Variants in PTPN5 observed in about 807,000 individuals in gnomAD.
PTPN5 encodes the protein protein tyrosine phosphatase non-receptor type 5, also known as tyrosine-protein phosphatase non-receptor type 5.
In PTPN5, 29 loss-of-function variants were observed where a neutral mutation model predicts 73.9. That is an observed-to-expected ratio of 0.39 (90% CI 0.29 to 0.54). The LOEUF is 0.54. Among genes scored for constraint, PTPN5 ranks in the 20% least tolerant of loss-of-function variants. PTPN5 has a pLI of 0.65. For missense variants in PTPN5, 652 were observed against 751.4 expected (o/e 0.87, Z 1.55); for synonymous variants, 267 against 304.7 (o/e 0.88, Z 1.29).
chr11:18,756,544 G>A (rs569391152), intron 3 of PTPN5, among the ~76,000 whole-genome samples: 6 of 151,806 alleles, frequency 4.0e-5, no homozygotes, highest in East Asian at 2.0e-4. Flanking sequence ...TGACCCACCC[G>A]TCTCAGCCTC....
chr11:18,778,343 C>G (rs1851267005), intron 1 of PTPN5, among the ~76,000 whole-genome samples: 1 of 152,216 alleles, frequency 6.6e-6, no homozygotes, highest in South Asian at 2.1e-4. Context: ...GACCCAACCC[C>G]AGCAACTGGC....
At chr11:18,761,607 G>T (rs1030836625) in intron 3 of PTPN5, among the ~76,000 whole-genome samples, 1 of 152,118 alleles carries the variant, frequency 6.6e-6, no homozygotes, top group African/African-American at 2.4e-5. Flanking sequence ...AGGCAGTGGG[G>T]TAGACACTCA....
chr11:18,729,595 G>C lies in PTPN5; in HGVS notation c.1491-29C>G. ...AGGGCCGAGGGGACCGGTGGGGTGA[G>C]GGGCAGGGCAGCCCAGCGGGTGGGG... On this transcript the variant is annotated intron_variant, in intron 13 of 14. Coordinates refer to ENST00000358540, the MANE Select transcript of PTPN5 (RefSeq NM_006906.2). The surrounding 1 kb of genome is among the most constrained non-coding windows in gnomAD (Gnocchi z 5.2). The C allele has an allele frequency of 6.4e-7, 1 of 1,567,844 alleles. No individual in the cohort carries two copies. Among genetic ancestry groups the C allele is most frequent in the Non-Finnish European group, 8.7e-7 (1 of 1,152,240 alleles).
chr11:18,749,132 A>G (rs1463909634), intron 3 of PTPN5, among the ~76,000 whole-genome samples: 1 of 152,220 alleles, frequency 6.6e-6, no homozygotes, highest in Non-Finnish European at 1.5e-5. Context: ...GATCATCGTC[A>G]GCCCTGTTTT....
chr11:18,757,848 A>G (rs1341720813), intron 3 of PTPN5, among the ~76,000 whole-genome samples: 4 of 152,228 alleles, frequency 2.6e-5, no homozygotes, highest in Non-Finnish European at 5.9e-5. Flanking sequence ...TTTCCTTTCA[A>G]AGCTTATCAG....
chr11:18,775,994 C>G (rs1346456438), intron 1 of PTPN5, among the ~76,000 whole-genome samples: 1 of 152,110 alleles, frequency 6.6e-6, no homozygotes, highest in East Asian at 1.9e-4. Flanking sequence ...GATGGTCCTA[C>G]CTGATTATAA....
rs560754423 is a variant in PTPN5, at chr11:18,771,904, C to T, written c.20+35G>A. On this transcript the variant is annotated intron_variant, in intron 2 of 14. Transcript: ENST00000358540. Reference sequence around the variant, plus strand: ...GAGAAGGCTTGGCCTCCTCAGTGGGCGGGTTGCAGGGGGACGGCGTAAACG... The same window carrying T: ...GAGAAGGCTTGGCCTCCTCAGTGGGTGGGTTGCAGGGGGACGGCGTAAACG... 1.0e-5 allele frequency: 16 copies of T among 1,592,600 alleles called. No homozygotes were observed. The East Asian group carries it at 1.2e-4, about 11-fold the overall frequency.
intron 7 of PTPN5, among the ~76,000 whole-genome samples, chr11:18,741,910 T>C (rs538275676): frequency 4.6e-5 from 7 of 152,212 alleles, no homozygotes; most frequent in Non-Finnish European, 7.3e-5. Context: ...GTCAAGTGAC[T>C]TTGGGAAATG....
chr11:18,775,629 C>A (rs921894030), intron 1 of PTPN5, among the ~76,000 whole-genome samples: 2 of 152,122 alleles, frequency 1.3e-5, no homozygotes, highest in African/African-American at 4.8e-5. Flanking sequence ...AGCTGTGTTC[C>A]ATCAGTGCCA....
chr11:18,765,905 A>T lies in PTPN5; in HGVS notation c.21-22T>A, dbSNP rs533972878. 17 of 1,533,540 alleles carry T rather than the reference A, an allele frequency of 1.1e-5. No homozygotes were observed. The African/African-American group carries it at 1.8e-4, about 16-fold the overall frequency. 95.0% of individuals were successfully genotyped at this position (1,533,540 alleles called of 1,614,324 possible). On this transcript the variant is annotated intron_variant, in intron 2 of 14. Coordinates refer to ENST00000358540, the MANE Select transcript of PTPN5 (RefSeq NM_006906.2). ...ACTCCTGCAGCAGGATGGAAAAGGT[A>T]AGAATATGCTGTTGAGCCAGGATCA...
At chr11:18,755,364 C>G (rs1454417786) in intron 3 of PTPN5, among the ~76,000 whole-genome samples, 2 of 152,202 alleles carry the variant, frequency 1.3e-5, no homozygotes, top group African/African-American at 4.8e-5. Flanking sequence ...TCCTGGTTTC[C>G]TGACTTAGAA....
Position 18,783,405 on chromosome 11 carries a change from G to A in PTPN5, c.-114+8120C>T, listed in dbSNP as rs540613134. ...CTAAAGAAGAACACAGCTGACTTGC[G>A]TGAAAATACTCACCTGACCCCTGCC... On this transcript the variant is annotated intron_variant, in intron 1 of 14. Coordinates refer to ENST00000358540, the MANE Select transcript of PTPN5 (RefSeq NM_006906.2). Among the ~76,000 whole-genome samples, 216 of 152,310 alleles carry A rather than the reference G, an allele frequency of 1.4e-3. 1 individual carries two copies. The highest frequency in any genetic ancestry group is 2.6e-3 in the Admixed American group (40 of 15,308).
At chr11:18,785,310 T>C (rs1222983956) in intron 1 of PTPN5, among the ~76,000 whole-genome samples, 1 of 152,168 alleles carries the variant, frequency 6.6e-6, no homozygotes, top group Non-Finnish European at 1.5e-5. Context: ...AGATGCTCAT[T>C]ATTGACTATG....
chr11:18,773,358 G>A (rs1248208541), intron 1 of PTPN5, among the ~76,000 whole-genome samples: 1 of 152,078 alleles, frequency 6.6e-6, no homozygotes, highest in African/African-American at 2.4e-5. Context: ...CCGGGCCTGG[G>A]AAGGTGACAG....
At position 18,742,443 on chromosome 11, in the gene PTPN5, G is replaced by A. The variant is rs749467329; in HGVS notation, c.544C>T (p.Arg182Cys). The change falls in exon 7 of 15, where the codon CGC (arginine) becomes TGC (cysteine). Residue 182 changes from arginine (R) to cysteine (C), a missense_variant. Physicochemically the swap from Arg to Cys is radical, Grantham distance 180. Around this residue, in one of 3 missense-constraint regions of PTPN5, gnomAD observed 529 missense variants for 573.9 expected, o/e 0.92. Coordinates refer to ENST00000358540, the MANE Select transcript of PTPN5 (RefSeq NM_006906.2). The surrounding 1 kb of genome is among the most constrained non-coding windows in gnomAD (Gnocchi z 4.1). ...GAGGGCTGGCGGCTCACTGACTGGC[G>A]CCTGTCCTCAGGGGGCAGTGGGGTG... is the stretch of plus-strand genomic sequence containing the variant. ...PPTPLPPEDR[R>C]QSVSRQPSFT... The A allele has an allele frequency of 1.2e-5, 20 of 1,613,972 alleles. No individual in the cohort carries two copies. Among genetic ancestry groups the A allele is most frequent in the South Asian group, 3.3e-5 (3 of 91,074 alleles).
chr11:18,787,208 A>AT (rs1345850317), intron 1 of PTPN5, among the ~76,000 whole-genome samples: 1 of 152,174 alleles, frequency 6.6e-6, no homozygotes, highest in African/African-American at 2.4e-5. Flanking sequence ...GAGCTTTATT[A>AT]TTTTGATCAT....
intron 1 of PTPN5, among the ~76,000 whole-genome samples, chr11:18,774,569 T>C (rs1396624557): frequency 1.3e-5 from 2 of 152,114 alleles, no homozygotes; most frequent in Admixed American, 6.6e-5. Flanking sequence ...AATTCCTAGA[T>C]TGGGTGGGAT....
intron 3 of PTPN5, among the ~76,000 whole-genome samples, chr11:18,745,593 C>T (rs988799540): frequency 6.6e-6 from 1 of 152,120 alleles, no homozygotes; most frequent in Non-Finnish European, 1.5e-5. Flanking sequence ...TCTTGTAGAC[C>T]TCAATCAGAT....
chr11:18,765,347 C>T (rs1267613360), intron 3 of PTPN5, among the ~76,000 whole-genome samples: 1 of 152,110 alleles, frequency 6.6e-6, no homozygotes, highest in East Asian at 1.9e-4. Flanking sequence ...CTGTGGTCAA[C>T]TGGACTCAAG....
Sources: allele counts gnomAD v4.1 joint callset (sites outside exome capture counted in the v4.1 genomes callset), GRCh38; gene constraint gnomAD v4.1.1; regional missense constraint gnomAD v4.1.1; non-coding constraint Gnocchi (gnomAD v3.1); transcripts MANE v1.5; gene names NCBI Gene and HGNC (gene_info 2026-07-23, HGNC 2026-07-21).